NWD1: variants seen among roughly 807,000 people sequenced by gnomAD.
The protein encoded by NWD1 is NACHT domain- and WD repeat-containing protein 1.
A neutral mutation model predicts 135.1 loss-of-function variants in NWD1; 129 were observed. The ratio of observed to expected loss-of-function variants is 0.96; its 90% confidence interval spans 0.83 to 1.11. The LOEUF (loss-of-function observed/expected upper bound fraction) is 1.11, where lower values mean the gene tolerates loss of function less well. NWD1 is among the 50% of genes least tolerant of loss of function. The pLI is 0.00. For synonymous variants in NWD1, 773 were observed against 786.0 expected (o/e 0.98, Z 0.28); for missense variants, 1,740 against 1,851.3 (o/e 0.94, Z 1.10).
At chr19:16,755,124 T>C (rs7255230) in intron 6 of NWD1, among the ~76,000 whole-genome samples, 7,762 of 152,250 alleles carry the variant, frequency 0.051, 247 homozygotes, top group African/African-American at 0.097. Flanking sequence ...TCTATTTCTA[T>C]CCATCTAGTC....
chr19:16,742,651 A>G (rs1018730930), intron 4 of NWD1, among the ~76,000 whole-genome samples: 4 of 151,962 alleles, frequency 2.6e-5, no homozygotes, highest in African/African-American at 9.7e-5. Flanking sequence ...GATTTAATTT[A>G]AATCTTAATT....
intron 13 of NWD1, 45 bp from the exon 14 acceptor site, chr19:16,791,305 T>C (rs1235216414): frequency 1.9e-6 from 3 of 1,582,918 alleles, no homozygotes; most frequent in Non-Finnish European, 2.6e-6. Flanking sequence ...ACTTGTAGTC[T>C]AGGTCTCCTG....
At chr19:16,773,380 T>C in intron 11 of NWD1, 57 bp downstream of exon 11, 1 of 1,484,418 alleles carries the variant, frequency 6.7e-7, no homozygotes, top group Non-Finnish European at 9.2e-7. Context: ...CTGGGGGCAG[T>C]GAAGGCCAGG....
chr19:16,787,895 AATAATAATAATCATCATCATCATCATC>A (rs1970095322), intron 12 of NWD1, among the ~76,000 whole-genome samples: 1 of 83,264 alleles, frequency 1.2e-5, no homozygotes, highest in African/African-American at 5.4e-5. Context: ...TAATAATAAT[AATAATAATAATCATCATCATCATCATC>A]ATCATCATCA....
At chr19:16,806,303 G>A (rs901038461) in intron 17 of NWD1, among the ~76,000 whole-genome samples, 1 of 152,080 alleles carries the variant, frequency 6.6e-6, no homozygotes, top group Non-Finnish European at 1.5e-5. Flanking sequence ...TTTTACTCCT[G>A]GGAATTGCCC....
intron 2 of NWD1, among the ~76,000 whole-genome samples, chr19:16,725,638 C>T (rs1042467166): frequency 9.9e-5 from 15 of 151,384 alleles, no homozygotes; most frequent in African/African-American, 2.7e-4. Flanking sequence ...CTTCAACCTC[C>T]GCCTCCCAGG....
chr19:16,765,626 T>A (rs1163091556), intron 10 of NWD1, among the ~76,000 whole-genome samples: 1 of 152,108 alleles, frequency 6.6e-6, no homozygotes, highest in Non-Finnish European at 1.5e-5. Context: ...ACATGAGCCA[T>A]GGCGCCTGGC....
intron 4 of NWD1, among the ~76,000 whole-genome samples, chr19:16,742,999 G>A (rs936095427): frequency 2.7e-5 from 4 of 149,670 alleles, no homozygotes; most frequent in Non-Finnish European, 5.9e-5. Flanking sequence ...TGCAACCTTC[G>A]CCTCCCGGCT....
intron 3 of NWD1, among the ~76,000 whole-genome samples, chr19:16,732,397 G>A (rs190424113): frequency 1.2e-4 from 18 of 151,882 alleles, no homozygotes; most frequent in Non-Finnish European, 4.4e-5. Context: ...TGTTGCTGCT[G>A]TTTTTGTCTT....
chr19:16,812,297 TA>T (rs530542976), intron 18 of NWD1, among the ~76,000 whole-genome samples: 1 of 143,542 alleles, frequency 7.0e-6, no homozygotes, highest in African/African-American at 2.6e-5. Flanking sequence ...TCAGACCTGT[TA>T]AAAAAAAACA....
At position 16,765,112 on chromosome 19, in the gene NWD1, C is replaced by T; in HGVS notation, c.2330C>T (p.Pro777Leu). The T allele has an allele frequency of 1.2e-6, 2 of 1,614,148 alleles. No individual in the cohort carries two copies. The highest frequency in any genetic ancestry group is 1.7e-6 in the Non-Finnish European group (2 of 1,180,018). ...DLLDDFDLCA[P>L]HLDSPEVGLV... Reference sequence around the variant, plus strand: ...CTGGATGACTTTGACCTGTGTGCCCCTCACCTGGACTCCCCTGAGGTTGGC... The same window carrying T: ...CTGGATGACTTTGACCTGTGTGCCCTTCACCTGGACTCCCCTGAGGTTGGC... Residue 777 changes from proline (P) to leucine (L), a missense_variant, in exon 10 of 19, where the codon CCT becomes CTT. Physicochemically the swap from Pro to Leu is moderately conservative, Grantham distance 98 (BLOSUM62 -3). Coordinates refer to ENST00000524140, the MANE Select transcript of NWD1 (RefSeq NM_001007525.5).
In NWD1 at chr19:16,797,770, A is replaced by C; in HGVS notation, c.3343A>C (p.Arg1115=). 2 of 1,614,044 alleles carry C rather than the reference A, an allele frequency of 1.2e-6. No individual in the cohort carries two copies. The highest frequency in any genetic ancestry group is 2.2e-5 in the South Asian group (2 of 91,074). The change falls in exon 16 of 19, where the codon AGG becomes CGG. Residue 1115 remains arginine (R), a synonymous_variant. Coordinates refer to ENST00000524140, the MANE Select transcript of NWD1 (RefSeq NM_001007525.5). ...RSVRIFLADS[R]GFRRFMAMDL... Reference sequence around the variant, plus strand: ...GGTGCGGATATTCTTGGCGGACTCGAGGGGCTTTCGCCGATTCATGGCCAT... The same window carrying C: ...GGTGCGGATATTCTTGGCGGACTCGCGGGGCTTTCGCCGATTCATGGCCAT...
rs1354363232 is a variant in NWD1 at position 16,749,156 on chromosome 19, G to A, written c.514G>A (p.Glu172Lys). 7 of 1,606,164 alleles carry A rather than the reference G, an allele frequency of 4.4e-6. No individual in the cohort carries two copies. Among genetic ancestry groups the A allele is most frequent in the East Asian group, 2.2e-5 (1 of 44,776 alleles). Residue 172 changes from glutamate to lysine, a missense_variant, in exon 6 of 19, where the codon GAG becomes AAG. Physicochemically the swap from Glu to Lys is moderately conservative, Grantham distance 56. Coordinates refer to ENST00000524140, the MANE Select transcript of NWD1 (RefSeq NM_001007525.5). Reference protein sequence around the residue: ...YHRSVIEWEIERSLLSSEDRE... With the variant: ...YHRSVIEWEIKRSLLSSEDRE... ...TTTGGCAGTCATTGAGTGGGAGATA[G>A]AGCGGAGCCTGCTGAGCTCAGAGGA...
At chr19:16,781,049 T>C (rs993259575) in intron 12 of NWD1, among the ~76,000 whole-genome samples, 3 of 152,196 alleles carry the variant, frequency 2.0e-5, no homozygotes, top group Non-Finnish European at 4.4e-5. Flanking sequence ...CTTTTTGCAT[T>C]TGTCGACCTC....
At chr19:16,796,728 C>T (rs987743852) in intron 15 of NWD1, among the ~76,000 whole-genome samples, 1 of 152,076 alleles carries the variant, frequency 6.6e-6, no homozygotes, top group Non-Finnish European at 1.5e-5. Flanking sequence ...TGACTCTCCT[C>T]TCTCCTTCCT....
chr19:16,735,747 T>C (rs1967769654), intron 3 of NWD1, among the ~76,000 whole-genome samples: 1 of 149,600 alleles, frequency 6.7e-6, no homozygotes, highest in Admixed American at 6.8e-5. Context: ...TAAGAATCGC[T>C]TGAACCCATT....
At chr19:16,745,194 CCAT>C (rs1434354526) in intron 5 of NWD1, 1 of 395,378 alleles carries the variant, frequency 2.5e-6, no homozygotes, top group Admixed American at 2.9e-5. Context: ...CCTTATAAAA[CCAT>C]CAGATCTTGT....
chr19:16,809,826 G>A (rs1241133734), intron 18 of NWD1, among the ~76,000 whole-genome samples: 1 of 151,818 alleles, frequency 6.6e-6, no homozygotes, highest in Non-Finnish European at 1.5e-5. Context: ...CAAAGTGCTG[G>A]GATTACAGTC....
chr19:16,763,725 C>A, intron 8 of NWD1, 103 bp from the exon 9 acceptor site: 1 of 756,892 alleles, frequency 1.3e-6, no homozygotes, highest in Non-Finnish European at 2.3e-6. Flanking sequence ...GCATTCTCGT[C>A]CACTCCAGCA....
Sources: gnomAD v4.1 joint callset for allele counts (sites outside exome capture counted in the v4.1 genomes callset) on GRCh38, gnomAD v4.1.1 for gene constraint, MANE v1.5 for transcripts, NCBI Gene and HGNC (gene_info 2026-07-23, HGNC 2026-07-21) for gene names.